The following BMP15 variants were observed in gnomAD, a reference collection of about 807,000 sequenced individuals.
BMP15 encodes the protein growth/differentiation factor 9B.
In BMP15, 5 loss-of-function variants were observed where a neutral mutation model predicts 4.4. The observed-to-expected ratio is 1.13, with a 90% CI of 0.59 to 2.38. The LOEUF (loss-of-function observed/expected upper bound fraction) is 2.38, where lower values mean the gene tolerates loss of function less well. Among genes scored for constraint, BMP15 ranks in the 30% most tolerant of loss-of-function variants. The pLI, the probability that BMP15 is intolerant of heterozygous loss-of-function variation, is 0.01. For synonymous variants in BMP15, 125 were observed against 114.6 expected, an observed-to-expected ratio of 1.09 and a Z score of -0.58; for missense variants, 339 against 309.8, an observed-to-expected ratio of 1.09 and a Z score of -0.71.
Position 50,915,943 on chromosome X carries a change from C to T in BMP15, c.515C>T (p.Ser172Leu). The change falls in exon 2 of 2, where the codon TCA becomes TTA. Residue 172 changes from serine (S) to leucine (L), a missense_variant. Transcript: ENST00000252677. Reference sequence around the variant, plus strand: ...TTCCCTTCCTCAGAAGGAGATTCCTCAAAACCTTCCCTGATGTCTAACGCT... The same window carrying T: ...TTCCCTTCCTCAGAAGGAGATTCCTTAAAACCTTCCCTGATGTCTAACGCT... The part of the protein sequence containing the change: ...NHFPSSEGDS[S>L]KPSLMSNAWK... 1.2e-5 allele frequency: 15 copies of T among 1,211,812 alleles called. No individual in the cohort carries two copies. The highest frequency in any genetic ancestry group is 1.7e-5 in the Non-Finnish European group (15 of 895,532).
intron 1 of BMP15, among the ~76,000 whole-genome samples, chrX:50,915,347 A>G (rs963993508): frequency 1.4e-4 from 16 of 111,321 alleles, no homozygotes; most frequent in African/African-American, 4.6e-4. Context: ...TCCCCTACAT[A>G]CAGTATGCAC....
chrX:50,915,580 A>G (rs782754647), intron 1 of BMP15, among the ~76,000 whole-genome samples, 177 bp from the exon 2 acceptor site: 1 of 112,000 alleles, frequency 8.9e-6, no homozygotes, highest in South Asian at 3.7e-4. Context: ...TAAAGAGCTA[A>G]TACATGTAAA....
At chrX:50,912,396 C>T (rs782082097) in intron 1 of BMP15, among the ~76,000 whole-genome samples, 1 of 111,660 alleles carries the variant, frequency 9.0e-6, no homozygotes, top group Non-Finnish European at 1.9e-5. Context: ...AATACTTTTC[C>T]GACCTCTAGA....
intron 1 of BMP15, among the ~76,000 whole-genome samples, chrX:50,914,263 C>T (rs898337456): frequency 3.6e-5 from 4 of 111,993 alleles, no homozygotes; most frequent in African/African-American, 3.2e-5. Context: ...TGAGCCACCG[C>T]GCCCAGCCGG....
At position 50,911,114 on chromosome X, in the gene BMP15, G is replaced by A. The variant is rs1557279954; in HGVS notation, c.328+3G>A. On this transcript the variant is annotated splice_donor_region_variant and intron_variant, in intron 1 of 1. Transcript: ENST00000252677. ...CAATGTGGCAAGGCCTCACAGAGGT[G>A]AGTTGTTATGCCCCCATACTGCCCT... The A allele has an allele frequency of 6.0e-6, 7 of 1,172,845 alleles. No homozygotes were observed. The highest frequency in any genetic ancestry group is 3.5e-5 in the African/African-American group (2 of 56,529).
Position 50,910,781 on chromosome X carries a change from A to C in BMP15, c.-3A>C, listed in dbSNP as rs1922996030. On this transcript the variant is annotated 5_prime_UTR_variant, in exon 1 of 2. Coordinates refer to ENST00000252677, the MANE Select transcript of BMP15 (RefSeq NM_005448.2). ...CCTGTTGTTGAACACTAAGCCTTTCAAGATGGTCCTCCTCAGTATTCTTAG... is the reference window on the plus strand; with the variant it reads ...CCTGTTGTTGAACACTAAGCCTTTCCAGATGGTCCTCCTCAGTATTCTTAG... The C allele has an allele frequency of 8.3e-7, 1 of 1,202,855 alleles. No individual in the cohort carries two copies. The highest frequency in any genetic ancestry group is 1.1e-6 in the Non-Finnish European group (1 of 890,684).
chrX:50,910,875 C>T lies in BMP15; in HGVS notation c.92C>T (p.Ser31Phe). The change falls in exon 1 of 2, where the codon TCC (serine) becomes TTC (phenylalanine). Residue 31 changes from serine to phenylalanine, a missense_variant. Transcript: ENST00000252677. ...HRAQMAEGGQ[S>F]SIALLAEAPT... is the part of the protein sequence containing the mutation. ...GCCCAAATGGCAGAAGGAGGGCAGT[C>T]CTCTATTGCCCTTCTGGCTGAGGCC... 8.3e-7 allele frequency: 1 copy of T among 1,205,743 alleles called. No homozygotes were observed. The highest frequency in any genetic ancestry group is 1.8e-5 in the South Asian group (1 of 55,819).
intron 1 of BMP15, among the ~76,000 whole-genome samples, chrX:50,914,660 C>T (rs1465257386): frequency 1.5e-4 from 17 of 111,904 alleles, no homozygotes; most frequent in African/African-American, 5.2e-4. Context: ...GAATTCCAGG[C>T]TTGTGGATTC....
intron 1 of BMP15, 43 bp downstream of exon 1, chrX:50,911,154 T>C (rs1557279959): frequency 2.7e-6 from 3 of 1,128,614 alleles, no homozygotes; most frequent in Non-Finnish European, 2.4e-6. Context: ...GGGAGAGAAG[T>C]GGAGAGGAGT....
chrX:50,911,039 G>T lies in BMP15; in HGVS notation c.256G>T (p.Glu86Ter), dbSNP rs1209397527. The T allele has an allele frequency of 1.7e-6, 2 of 1,197,977 alleles. No homozygotes were observed. The highest frequency in any genetic ancestry group is 2.2e-6 in the Non-Finnish European group (2 of 889,027). ...AGCTGACTCGCATGGGCACCCTAGA[G>T]AGAACCGCACCATTGGGGCCACCAT... ...RSADSHGHPR[E>*]NRTIGATMVR... Residue 86 changes from glutamate to a stop codon, truncating the protein, a stop_gained, in exon 1 of 2, where the codon GAG (glutamate) becomes TAG (stop). Transcript: ENST00000252677. LOFTEE classifies it high-confidence loss of function.
intron 1 of BMP15, among the ~76,000 whole-genome samples, chrX:50,913,650 C>G (rs976634756): frequency 1.8e-5 from 2 of 111,052 alleles, no homozygotes; most frequent in Non-Finnish European, 3.8e-5. Flanking sequence ...TGTGATTCAG[C>G]CCTTTCCCTG....
At chrX:50,912,837 G>C (rs1557280060) in intron 1 of BMP15, among the ~76,000 whole-genome samples, 1 of 111,889 alleles carries the variant, frequency 8.9e-6, no homozygotes, top group Non-Finnish European at 1.9e-5. Context: ...AAAGGATGAA[G>C]TAGGTTGTTA....
At chrX:50,914,758 C>T (rs1328573909) in intron 1 of BMP15, among the ~76,000 whole-genome samples, 2 of 111,595 alleles carry the variant, frequency 1.8e-5, no homozygotes, top group East Asian at 2.8e-4. Flanking sequence ...GTGGCTTTTT[C>T]CTGTGGTGCC....
chrX:50,916,273 A>C lies in BMP15; in HGVS notation c.845A>C (p.Lys282Thr), dbSNP rs1308166831. 2 of 1,208,476 alleles carry C rather than the reference A, an allele frequency of 1.7e-6. No homozygotes were observed. The highest frequency in any genetic ancestry group is 2.2e-6 in the Non-Finnish European group (2 of 893,551). ...GCTGAGGTTACTGCCTCTTCCTCAA[A>C]ACATAGCGGGCCTGAAAATAACCAG... ...ISAEVTASSS[K>T]HSGPENNQCS... The change falls in exon 2 of 2, where the codon AAA becomes ACA. Residue 282 changes from lysine (K) to threonine (T), a missense_variant. Physicochemically the swap from Lys to Thr is moderately conservative, Grantham distance 78. Transcript: ENST00000252677.
chrX:50,911,380 A>G (rs1475285094), intron 1 of BMP15, among the ~76,000 whole-genome samples: 2 of 112,745 alleles, frequency 1.8e-5, no homozygotes, highest in Non-Finnish European at 3.7e-5. Context: ...GCCATCACCT[A>G]TCTTTCACAG....
Position 50,910,916 on chromosome X carries a change from A to C in BMP15, c.133A>C (p.Ile45Leu). The change falls in exon 1 of 2, where the codon ATT (isoleucine) becomes CTT (leucine). Residue 45 changes from isoleucine to leucine, a missense_variant. Ile to Leu is a conservative substitution (Grantham distance 5). Coordinates refer to ENST00000252677, the MANE Select transcript of BMP15 (RefSeq NM_005448.2). The part of the protein sequence containing the change: ...LLAEAPTLPL[I>L]EELLEESPGE... ...GGCTGAGGCCCCTACTTTGCCCCTG[A>C]TTGAGGAGCTGCTAGAAGAATCCCC... The C allele has an allele frequency of 8.3e-7, 1 of 1,198,862 alleles. No homozygotes were observed. Among genetic ancestry groups the C allele is most frequent in the Non-Finnish European group, 1.1e-6 (1 of 888,675 alleles).
intron 1 of BMP15, among the ~76,000 whole-genome samples, chrX:50,914,529 G>C (rs1368387362): frequency 8.9e-6 from 1 of 111,742 alleles, no homozygotes; most frequent in Non-Finnish European, 1.9e-5. Context: ...CAAGGCTGTA[G>C]TGAGCCATGA....
rs112064937 is a variant in BMP15 at position 50,916,620 on chromosome X, G to A, written c.*13G>A. On this transcript the variant is annotated 3_prime_UTR_variant, in exon 2 of 2. Transcript: ENST00000252677. ...TACATGCAGATGACAGCAACAGTAC[G>A]GCTAGATCAGGTTTCCCAGGAAACT... 3,291 of 1,208,451 alleles carry A rather than the reference G, an allele frequency of 2.7e-3. 63 individuals are homozygous for A. The African/African-American group carries it at 0.05, about 18-fold the overall frequency.
chrX:50,912,912 A>G (rs187202615), intron 1 of BMP15, among the ~76,000 whole-genome samples: 1 of 111,869 alleles, frequency 8.9e-6, no homozygotes, highest in East Asian at 2.8e-4. Context: ...TCTTTGAAGA[A>G]GTGCCATTTG....
Sources: allele counts gnomAD v4.1 joint callset (sites outside exome capture counted in the v4.1 genomes callset), GRCh38; gene constraint gnomAD v4.1.1; transcripts MANE v1.5; gene names NCBI Gene and HGNC (gene_info 2026-07-23, HGNC 2026-07-21).